Variants in ROBO2 observed in about 807,000 individuals in gnomAD.
ROBO2 encodes the protein roundabout guidance receptor 2, also known as roundabout homolog 2.
Under a neutral mutation model 160.8 loss-of-function variants are expected in ROBO2, and 53 were observed. The ratio of observed to expected loss-of-function variants is 0.33; its 90% CI spans 0.26 to 0.41. ROBO2 has a LOEUF of 0.41. Ranked by LOEUF, ROBO2 falls within the 10% of genes least tolerant of loss-of-function variation. The pLI is 1.00. For synonymous variants in ROBO2, 664 were observed against 611.7 expected, an observed-to-expected ratio of 1.09 and a Z score of -1.26; for missense variants, 1,577 against 1,722.4, an observed-to-expected ratio of 0.92 and a Z score of 1.49.
chr3:77,589,738 T>C (rs1490123484), intron 17 of ROBO2, among the ~76,000 whole-genome samples: 1 of 152,126 alleles, frequency 6.6e-6, no homozygotes, highest in South Asian at 2.1e-4. Flanking sequence ...AACTCAATAC[T>C]GAAGCAATGT....
At chr3:77,200,310 TATATA>T (rs1426389695) in intron 2 of ROBO2, among the ~76,000 whole-genome samples, 28 of 89,354 alleles carry the variant, frequency 3.1e-4, no homozygotes, top group East Asian at 2.0e-3. Context: ...TATATATATA[TATATA>T]TATATATTTT....
chr3:76,385,600 A>G (rs1017554104), intron 2 of ROBO2, among the ~76,000 whole-genome samples: 30 of 152,236 alleles, frequency 2.0e-4, no homozygotes, highest in African/African-American at 7.0e-4. Context: ...CAAAAATAGA[A>G]TTTGCATAAT....
intron 2 of ROBO2, among the ~76,000 whole-genome samples, chr3:76,970,184 G>A (rs1282882776): frequency 6.6e-6 from 1 of 152,132 alleles, no homozygotes. Flanking sequence ...TGTGTTGAAA[G>A]ACAAGCTATT....
chr3:77,179,706 A>C (rs1222743395), intron 2 of ROBO2, among the ~76,000 whole-genome samples: 2 of 152,138 alleles, frequency 1.3e-5, no homozygotes, highest in Non-Finnish European at 2.9e-5. Context: ...ATCTCCTATA[A>C]AATTGTAATT....
chr3:77,395,584 T>C (rs1300701912), intron 2 of ROBO2, among the ~76,000 whole-genome samples: 1 of 152,172 alleles, frequency 6.6e-6, no homozygotes, highest in Non-Finnish European at 1.5e-5. Context: ...TATTAAGTAA[T>C]TGCTATCATA....
intron 2 of ROBO2, among the ~76,000 whole-genome samples, chr3:76,571,177 A>G (rs954281266): frequency 1.3e-5 from 2 of 152,150 alleles, no homozygotes; most frequent in Non-Finnish European, 2.9e-5. Flanking sequence ...AGAAACCAGG[A>G]AATACTAATA....
At chr3:76,998,067 C>T (rs927453435) in intron 2 of ROBO2, among the ~76,000 whole-genome samples, 2 of 152,116 alleles carry the variant, frequency 1.3e-5, no homozygotes, top group Non-Finnish European at 2.9e-5. Flanking sequence ...AAGCAAGCCA[C>T]AAGACCAGCT....
intron 5 of ROBO2, among the ~76,000 whole-genome samples, chr3:77,512,004 C>T (rs1406588324): frequency 1.3e-5 from 2 of 151,930 alleles, no homozygotes; most frequent in East Asian, 3.9e-4. Context: ...CAAATATTCA[C>T]CTCACCCAAA....
chr3:77,127,066 G>A (rs1358905099), intron 2 of ROBO2, among the ~76,000 whole-genome samples: 1 of 151,584 alleles, frequency 6.6e-6, no homozygotes, highest in Non-Finnish European at 1.5e-5. Context: ...TGGGATTACA[G>A]GTGTGAGCCA....
intron 1 of ROBO2, among the ~76,000 whole-genome samples, chr3:77,067,030 A>T (rs866253082): frequency 1.1e-4 from 15 of 130,792 alleles, no homozygotes; most frequent in Non-Finnish European, 2.0e-4. Flanking sequence ...ACACACACTC[A>T]CACACACACA....
intron 2 of ROBO2, among the ~76,000 whole-genome samples, chr3:76,873,591 T>TC (rs2072366534): frequency 1.3e-5 from 2 of 151,940 alleles, no homozygotes; most frequent in African/African-American, 4.8e-5. Flanking sequence ...TCGTCGTCGT[T>TC]GTCGTCGTCG....
At chr3:77,293,650 TCA>T (rs2061608567) in intron 2 of ROBO2, among the ~76,000 whole-genome samples, 2 of 137,164 alleles carry the variant, frequency 1.5e-5, no homozygotes, top group Non-Finnish European at 3.0e-5. Flanking sequence ...TGAGGCTAGA[TCA>T]CCCAGACATA....
At chr3:77,512,125 T>C (rs182436757) in intron 5 of ROBO2, among the ~76,000 whole-genome samples, 1 of 152,060 alleles carries the variant, frequency 6.6e-6, no homozygotes, top group African/African-American at 2.4e-5. Flanking sequence ...TAATGGCTTA[T>C]TGTGTTCGTT....
chr3:76,526,664 G>T (rs2081964049), intron 2 of ROBO2, among the ~76,000 whole-genome samples: 1 of 151,784 alleles, frequency 6.6e-6, no homozygotes, highest in African/African-American at 2.4e-5. Context: ...CCCAATGCAG[G>T]GTGGTAAAGA....
chr3:77,310,074 A>G (rs529707771), intron 2 of ROBO2, among the ~76,000 whole-genome samples: 1 of 152,174 alleles, frequency 6.6e-6, no homozygotes, highest in Non-Finnish European at 1.5e-5. Context: ...GATATTCTTC[A>G]TTCAAAGTTA....
chr3:76,212,684 A>G (rs1703221692), intron 2 of ROBO2, among the ~76,000 whole-genome samples: 2 of 152,080 alleles, frequency 1.3e-5, no homozygotes, highest in South Asian at 4.1e-4. Flanking sequence ...ATTAATTCTG[A>G]TTCATCATTA....
intron 2 of ROBO2, among the ~76,000 whole-genome samples, chr3:76,964,359 T>C (rs2079908920): frequency 6.6e-6 from 1 of 152,190 alleles, no homozygotes; most frequent in African/African-American, 2.4e-5. Context: ...GTTTTGTTTT[T>C]GAGATGGAGT....
chr3:77,327,080 A>G (rs770651237), intron 2 of ROBO2, among the ~76,000 whole-genome samples: 2 of 152,218 alleles, frequency 1.3e-5, no homozygotes, highest in Non-Finnish European at 2.9e-5. Flanking sequence ...TAGGTAAGTC[A>G]TAGACAATTT....
chr3:77,642,296 C>T (rs2095360924), intron 24 of ROBO2, among the ~76,000 whole-genome samples: 1 of 152,108 alleles, frequency 6.6e-6, no homozygotes, highest in East Asian at 1.9e-4. Context: ...AGTACAGCTT[C>T]AGGAATTTCT....
Sources: gnomAD v4.1 joint callset for allele counts (sites outside exome capture counted in the v4.1 genomes callset) on GRCh38, gnomAD v4.1.1 for gene constraint, MANE v1.5 for transcripts, NCBI Gene and HGNC (gene_info 2026-07-23, HGNC 2026-07-21) for gene names.